Variants in NSUN6 observed in about 807,000 individuals in gnomAD.
NSUN6 encodes the protein NOP2/Sun RNA methyltransferase 6.
Under a neutral mutation model 58.0 loss-of-function variants are expected in NSUN6, and 64 were observed. The observed-to-expected ratio is 1.10, with a 90% CI of 0.90 to 1.36. The LOEUF (loss-of-function observed/expected upper bound fraction) is 1.36, where lower values mean the gene tolerates loss of function less well. Ranked by LOEUF, NSUN6 falls within the 40% of genes most tolerant of loss-of-function variation. NSUN6 has a pLI of 0.00. For synonymous variants in NSUN6, 231 were observed against 193.9 expected (o/e 1.19, Z -1.59); for missense variants, 701 against 550.1 (o/e 1.27, Z -2.74).
Position 18,551,974 on chromosome 10 carries a change from A to G in NSUN6, c.923-3T>C, listed in dbSNP as rs1347092994. On this transcript the variant is annotated splice_region_variant and splice_polypyrimidine_tract_variant and intron_variant, in intron 8 of 10. Coordinates refer to ENST00000377304, the MANE Select transcript of NSUN6 (RefSeq NM_182543.5). ...TTCTGGTAGAAATGGAGGTTCTCCTATAAAGAGAATTATAATCATGTTTAC... is the reference window on the plus strand; with the variant it reads ...TTCTGGTAGAAATGGAGGTTCTCCTGTAAAGAGAATTATAATCATGTTTAC... 6.3e-7 allele frequency: 1 copy of G among 1,582,432 alleles called. No homozygotes were observed. The highest frequency in any genetic ancestry group is 8.7e-7 in the Non-Finnish European group (1 of 1,154,206).
chr10:18,652,790 C>T (rs960374646), upstream of NSUN6: 3 of 573,866 alleles, frequency 5.2e-6, no homozygotes, highest in African/African-American at 6.1e-5. Flanking sequence ...AAACTCCTGA[C>T]TTCAACTGAT....
chr10:18,594,355 C>A (rs541414450), intron 7 of NSUN6, among the ~76,000 whole-genome samples: 4 of 152,206 alleles, frequency 2.6e-5, no homozygotes, highest in Non-Finnish European at 5.9e-5. Flanking sequence ...CCATATGCAG[C>A]AATGGCATAG....
In NSUN6 at chr10:18,579,740, G is replaced by C. The variant is rs147678878; in HGVS notation, c.922+6209C>G. 1.9e-4 allele frequency among the ~76,000 whole-genome samples: 29 copies of C among 152,272 alleles called. No individual in the cohort carries two copies. In the East Asian group the frequency reaches 4.4e-3, roughly 23 times the overall value. ...GGTAAGGTGGAAGTGGGGCTTCCAG[G>C]TTAGGAGTAGCTAAGAGACAGAGGG... is the stretch of plus-strand genomic sequence containing the variant. On this transcript the variant is annotated intron_variant, in intron 8 of 10. Coordinates refer to ENST00000377304, the MANE Select transcript of NSUN6 (RefSeq NM_182543.5).
Position 18,609,933 on chromosome 10 carries a change from A to T in NSUN6, c.576-7T>A. ...CATTCTTATGCCCATGCCTCTGAAA[A>T]ATAGGAAATCTAACATTAGTCTGTA... On this transcript the variant is annotated splice_polypyrimidine_tract_variant and splice_region_variant and intron_variant, in intron 5 of 10. Coordinates refer to ENST00000377304, the MANE Select transcript of NSUN6 (RefSeq NM_182543.5). 2 of 1,557,354 alleles carry T rather than the reference A, an allele frequency of 1.3e-6. No individual in the cohort carries two copies. Among genetic ancestry groups the T allele is most frequent in the Non-Finnish European group, 1.8e-6 (2 of 1,128,666 alleles).
At chr10:18,628,344 G>A (rs2058900844) in intron 3 of NSUN6, among the ~76,000 whole-genome samples, 1 of 152,150 alleles carries the variant, frequency 6.6e-6, no homozygotes, top group Admixed American at 6.5e-5. Flanking sequence ...AAAAAGCAGA[G>A]CACCTCTCCT....
chr10:18,613,817 C>G (rs903527139), intron 5 of NSUN6, among the ~76,000 whole-genome samples: 15 of 152,134 alleles, frequency 9.9e-5, no homozygotes, highest in Admixed American at 1.3e-4. Flanking sequence ...GAGAAATTCA[C>G]AGCTTTCAGC....
At chr10:18,564,252 C>T (rs1019164483) in intron 8 of NSUN6, among the ~76,000 whole-genome samples, 1 of 151,522 alleles carries the variant, frequency 6.6e-6, no homozygotes, top group African/African-American at 2.4e-5. Context: ...TTCTCCATTC[C>T]ATTCCCATAC....
At chr10:18,651,618 G>C (rs1402693324), upstream of NSUN6, 4 of 986,250 alleles carry the variant, frequency 4.1e-6, no homozygotes, top group Non-Finnish European at 4.8e-6. Context: ...CTATTTCTCG[G>C]CGGAAAGTCG....
At position 18,616,188 on chromosome 10, in the gene NSUN6, T is replaced by C. The variant is rs1346662999; in HGVS notation, c.417A>G (p.Ser139=). The change falls in exon 4 of 11, where the codon TCA becomes TCG. Residue 139 remains serine (S), a synonymous_variant. Transcript: ENST00000377304. ...HVYAPGIVSA[S]QFMKAGDVIS... is the part of the protein sequence containing the mutation. ...AAATCTAAACATTATACTTACATTGTGATGCTGACACAATTCCTGGGGCAT... is the reference window on the plus strand; with the variant it reads ...AAATCTAAACATTATACTTACATTGCGATGCTGACACAATTCCTGGGGCAT... 6.6e-7 allele frequency: 1 copy of C among 1,512,168 alleles called. No individual in the cohort carries two copies. Among genetic ancestry groups the C allele is most frequent in the East Asian group, 2.3e-5 (1 of 44,350 alleles). The allele number at this position is 1,512,168 out of a possible 1,614,324, so 93.7% of individuals were successfully genotyped here. A position where few individuals can be genotyped will look rare whatever the true frequency, so the allele number is the denominator to read the frequency against.
chr10:18,567,908 ATTCCATTCCATT>A (rs556906566), intron 8 of NSUN6, among the ~76,000 whole-genome samples: 184 of 149,972 alleles, frequency 1.2e-3, no homozygotes, highest in African/African-American at 4.2e-3. Context: ...TCACCACTGC[ATTCCATTCCATT>A]TTCCATTCCA....
intron 2 of NSUN6, among the ~76,000 whole-genome samples, chr10:18,646,987 C>T (rs994809764): frequency 3.9e-5 from 6 of 152,140 alleles, no homozygotes; most frequent in African/African-American, 1.4e-4. Flanking sequence ...CCTGTCATTA[C>T]TCTCAATAAG....
At chr10:18,573,931 T>C (rs972172583) in intron 8 of NSUN6, among the ~76,000 whole-genome samples, 10 of 152,070 alleles carry the variant, frequency 6.6e-5, no homozygotes, top group African/African-American at 9.7e-5. Context: ...AACTGTTATA[T>C]CGAAAATTTG....
chr10:18,600,993 T>TA (rs1554870074), intron 6 of NSUN6, among the ~76,000 whole-genome samples: 13 of 126,384 alleles, frequency 1.0e-4, no homozygotes, highest in Non-Finnish European at 1.5e-4. Context: ...TATATATATA[T>TA]TATATACTAG....
chr10:18,587,786 G>A (rs1233641589), intron 7 of NSUN6, among the ~76,000 whole-genome samples: 1 of 152,074 alleles, frequency 6.6e-6, no homozygotes, highest in African/African-American at 2.4e-5. Flanking sequence ...GCAATCCACA[G>A]ATCAGGAGAT....
At chr10:18,553,669 T>G (rs2054768847) in intron 8 of NSUN6, among the ~76,000 whole-genome samples, 1 of 149,380 alleles carries the variant, frequency 6.7e-6, no homozygotes, top group South Asian at 2.1e-4. Flanking sequence ...TGGAATGGAA[T>G]GTAGTGGAAA....
intron 3 of NSUN6, among the ~76,000 whole-genome samples, chr10:18,634,124 A>T (rs1198478776): frequency 2.6e-5 from 4 of 152,274 alleles, no homozygotes; most frequent in African/African-American, 7.2e-5. Context: ...TGGCACACAC[A>T]TACACAAAAA....
chr10:18,549,815 G>C (rs1234306582), intron 9 of NSUN6, among the ~76,000 whole-genome samples: 2 of 152,168 alleles, frequency 1.3e-5, no homozygotes, highest in South Asian at 2.1e-4. Flanking sequence ...AGAGTATGCT[G>C]ATCAAAATTT....
intron 8 of NSUN6, 82 bp downstream of exon 8, chr10:18,585,867 T>C: frequency 2.9e-6 from 3 of 1,029,072 alleles, no homozygotes; most frequent in Non-Finnish European, 4.3e-6. Flanking sequence ...GTATACAAAA[T>C]TATATACATG....
chr10:18,603,632 G>A (rs974341364), intron 6 of NSUN6, among the ~76,000 whole-genome samples: 3 of 151,862 alleles, frequency 2.0e-5, no homozygotes, highest in Admixed American at 6.6e-5. Flanking sequence ...ACCATGCCCA[G>A]CTGATTTTGT....
Sources: gnomAD v4.1 joint callset for allele counts (sites outside exome capture counted in the v4.1 genomes callset) on GRCh38, gnomAD v4.1.1 for gene constraint, MANE v1.5 for transcripts, NCBI Gene and HGNC (gene_info 2026-07-23, HGNC 2026-07-21) for gene names.